Variants in TBC1D2B observed in about 807,000 individuals in gnomAD.
TBC1D2B encodes the protein TBC1 domain family, member 2B.
Under a neutral mutation model 100.8 loss-of-function variants are expected in TBC1D2B, and 64 were observed. The observed-to-expected ratio is 0.64, with a 90% CI of 0.52 to 0.78. TBC1D2B has a LOEUF of 0.78. Among genes scored for constraint, TBC1D2B ranks in the 30% least tolerant of loss-of-function variants. The pLI is 0.00. For synonymous variants in TBC1D2B, 480 were observed against 479.7 expected, an observed-to-expected ratio of 1.00 and a Z score of -0.01; for missense variants, 1,052 against 1,218.4, an observed-to-expected ratio of 0.86 and a Z score of 2.03.
intron 1 of TBC1D2B, among the ~76,000 whole-genome samples, chr15:78,069,903 C>A (rs2073718027): frequency 6.6e-6 from 1 of 152,228 alleles, no homozygotes; most frequent in African/African-American, 2.4e-5. Context: ...GGCTTCCCAG[C>A]CTCCAGAACT....
At chr15:78,043,148 C>CT (rs1193629658) in intron 3 of TBC1D2B, among the ~76,000 whole-genome samples, 1 of 152,140 alleles carries the variant, frequency 6.6e-6, no homozygotes, top group Non-Finnish European at 1.5e-5. Context: ...CAGAAAATAA[C>CT]TTTATCATAC....
chr15:78,025,364 G>GC lies in TBC1D2B; in HGVS notation c.980dup (p.Ser328GlnfsTer51). The GC allele has an allele frequency of 6.2e-7, 1 of 1,613,940 alleles. No homozygotes were observed. On this transcript the variant is annotated frameshift_variant, in exon 5 of 13. Coordinates refer to ENST00000300584, the MANE Select transcript of TBC1D2B (RefSeq NM_144572.2). LOFTEE classifies it high-confidence loss of function. ...GCTTCCTGATGCTGACGCTGCCACTGCCTGATGTGCCTTCACTTGAAGGGT... is the reference window on the plus strand; with the variant it reads ...GCTTCCTGATGCTGACGCTGCCACTGCCCTGATGTGCCTTCACTTGAAGGGT...
chr15:78,034,340 C>T (rs2072891425), intron 3 of TBC1D2B: 1 of 210,714 alleles, frequency 4.7e-6, no homozygotes, highest in Admixed American at 6.5e-5. Context: ...CTTCACAGGG[C>T]ACTGGGACAC....
At chr15:78,056,974 G>C (rs967722142) in intron 1 of TBC1D2B, among the ~76,000 whole-genome samples, 13 of 152,186 alleles carry the variant, frequency 8.5e-5, no homozygotes, top group African/African-American at 2.7e-4. Context: ...CTCTTGTTCA[G>C]CCTGCATATG....
At chr15:77,998,392 G>C in intron 12 of TBC1D2B, 37 bp from the exon 13 acceptor site, 11 of 1,527,766 alleles carry the variant, frequency 7.2e-6, no homozygotes, top group Non-Finnish European at 9.7e-6. Context: ...AGAATCAGCG[G>C]CGCTCCAGAG....
At chr15:78,021,931 G>A (rs977833708) in intron 6 of TBC1D2B, among the ~76,000 whole-genome samples, 4 of 152,114 alleles carry the variant, frequency 2.6e-5, no homozygotes, top group South Asian at 2.1e-4. Flanking sequence ...TAACCTCCAC[G>A]CACACCCTGG....
At chr15:78,037,331 A>T (rs2072967951) in intron 3 of TBC1D2B, among the ~76,000 whole-genome samples, 1 of 152,174 alleles carries the variant, frequency 6.6e-6, no homozygotes, top group Non-Finnish European at 1.5e-5. Flanking sequence ...CCCTTTGGAC[A>T]GTCCCTCTCC....
chr15:78,058,570 T>C (rs1246246665), intron 1 of TBC1D2B, among the ~76,000 whole-genome samples: 2 of 152,202 alleles, frequency 1.3e-5, no homozygotes, highest in Admixed American at 6.5e-5. Flanking sequence ...AACGCCTTGC[T>C]AGGTCTATCA....
At chr15:78,002,078 C>T (rs1244671872) in intron 11 of TBC1D2B, 2 of 164,566 alleles carry the variant, frequency 1.2e-5, no homozygotes, top group Non-Finnish European at 2.6e-5. Flanking sequence ...TAAAATAAAA[C>T]CAAAATCAAG....
intron 3 of TBC1D2B, among the ~76,000 whole-genome samples, chr15:78,040,617 A>AG (rs1348993242): frequency 1.0e-3 from 87 of 85,232 alleles, no homozygotes; most frequent in East Asian, 2.7e-3. Context: ...AGAGAGAAAG[A>AG]AAGAGAGAGA....
At chr15:78,017,630 C>T (rs1383992310) in intron 7 of TBC1D2B, among the ~76,000 whole-genome samples, 1 of 152,140 alleles carries the variant, frequency 6.6e-6, no homozygotes, top group Non-Finnish European at 1.5e-5. Context: ...ATGTGAAAAA[C>T]TCACATCTCA....
intron 8 of TBC1D2B, among the ~76,000 whole-genome samples, chr15:78,014,378 A>G (rs2072313985): frequency 1.3e-5 from 2 of 152,218 alleles, no homozygotes; most frequent in South Asian, 4.1e-4. Context: ...TGGAAATCAG[A>G]TCTAGCAAGC....
intron 2 of TBC1D2B, among the ~76,000 whole-genome samples, 184 bp from the exon 3 acceptor site, chr15:78,045,252 T>G (rs1459297764): frequency 6.6e-6 from 1 of 152,230 alleles, no homozygotes; most frequent in Non-Finnish European, 1.5e-5. Context: ...CATCTTCATC[T>G]AAACAGATCC....
chr15:78,042,183 C>G (rs973176704), intron 3 of TBC1D2B, among the ~76,000 whole-genome samples: 3 of 152,198 alleles, frequency 2.0e-5, no homozygotes, highest in African/African-American at 7.2e-5. Flanking sequence ...GCAGGAGGCA[C>G]TCAATCATCA....
chr15:78,001,152 CCT>C (rs780615781), intron 12 of TBC1D2B, among the ~76,000 whole-genome samples: 3 of 152,196 alleles, frequency 2.0e-5, no homozygotes, highest in Non-Finnish European at 4.4e-5. Flanking sequence ...TGAAGGACCC[CCT>C]GTCCCCATAC....
intron 3 of TBC1D2B, among the ~76,000 whole-genome samples, chr15:78,036,399 A>G (rs2072946900): frequency 6.6e-6 from 1 of 152,206 alleles, no homozygotes; most frequent in South Asian, 2.1e-4. Context: ...TGTAATAATC[A>G]TTGTGACGGT....
At chr15:78,061,553 A>G (rs1228250275) in intron 1 of TBC1D2B, among the ~76,000 whole-genome samples, 1 of 150,700 alleles carries the variant, frequency 6.6e-6, no homozygotes, top group Non-Finnish European at 1.5e-5. Flanking sequence ...AGGCTGGGTG[A>G]CAGAGCGAGA....
intron 1 of TBC1D2B, among the ~76,000 whole-genome samples, chr15:78,068,383 C>CCACACA (rs35403620): frequency 0.05 from 7,199 of 143,020 alleles, 241 homozygotes; most frequent in African/African-American, 0.074. Flanking sequence ...CACACCACAC[C>CCACACA]CACACACACA....
In TBC1D2B at chr15:77,995,363, G is replaced by C. The variant is rs185100755; in HGVS notation, c.*2797C>G. 3 of 152,364 alleles carry C rather than the reference G, an allele frequency of 2.0e-5. No homozygotes were observed. The highest frequency in any genetic ancestry group is 2.9e-5 in the Non-Finnish European group (2 of 68,052). 9.4% of individuals were successfully genotyped at this position (152,364 alleles called of 1,614,324 possible). The stretch of plus-strand genomic sequence containing the variant: ...AAACCAGAACCGTCTCCAGCTGTCA[G>C]CAGTCTTGGCGGCTACTGTACAGCT... On this transcript the variant is annotated 3_prime_UTR_variant, in exon 13 of 13. Coordinates refer to ENST00000300584, the MANE Select transcript of TBC1D2B (RefSeq NM_144572.2).
Sources: allele counts gnomAD v4.1 joint callset (sites outside exome capture counted in the v4.1 genomes callset), GRCh38; gene constraint gnomAD v4.1.1; transcripts MANE v1.5; gene names NCBI Gene and HGNC (gene_info 2026-07-23, HGNC 2026-07-21).